CYB561: variants seen among roughly 807,000 people sequenced by gnomAD.
CYB561 encodes the protein transmembrane ascorbate-dependent reductase CYB561.
CYB561 carries 11 observed loss-of-function variants against 25.3 expected under a neutral mutation model. The observed-to-expected ratio is 0.44, with a 90% confidence interval of 0.27 to 0.72. CYB561 has a LOEUF of 0.72. Ranked by LOEUF, CYB561 falls within the 30% of genes least tolerant of loss-of-function variation. CYB561 has a pLI of 0.18. For synonymous variants in CYB561, 165 were observed against 158.8 expected, an observed-to-expected ratio of 1.04 and a Z score of -0.29; for missense variants, 295 against 334.9, an observed-to-expected ratio of 0.88 and a Z score of 0.93.
rs1156230175 is a variant in CYB561 at position 63,432,633 on chromosome 17, A to G, written c.*1769T>C. ...TGATTGAAGAACTGACGGCACCCCT[A>G]CCCCTGAAGAGTGTACAGTCTAAAC... is the stretch of plus-strand genomic sequence containing the variant. On this transcript the variant is annotated 3_prime_UTR_variant, in exon 6 of 6. Transcript: ENST00000360793. 2 of 152,242 alleles carry G rather than the reference A, an allele frequency of 1.3e-5. No homozygotes were observed. Among genetic ancestry groups the G allele is most frequent in the Non-Finnish European group, 2.9e-5 (2 of 68,080 alleles). 9.4% of individuals were successfully genotyped at this position (152,242 alleles called of 1,614,324 possible). A position where few individuals can be genotyped will look rare whatever the true frequency, so the allele number is the denominator to read the frequency against.
At position 63,436,815 on chromosome 17, in the gene CYB561, C is replaced by A. The variant is rs934923980; in HGVS notation, c.202+531G>T. 1 of 162,388 alleles carries A rather than the reference C, an allele frequency of 6.2e-6. No homozygotes were observed. Among genetic ancestry groups the A allele is most frequent in the Non-Finnish European group, 1.4e-5 (1 of 73,622 alleles). The allele number at this position is 162,388 out of a possible 1,614,324, so 10.1% of individuals were successfully genotyped here. A position where few individuals can be genotyped will look rare whatever the true frequency, so the allele number is the denominator to read the frequency against. Reference sequence around the variant, plus strand: ...TTCTGCTGCTCAGGAATGGCTGTCACCAGGACCACCTCTAGGAAGAGCGGG... The same window carrying A: ...TTCTGCTGCTCAGGAATGGCTGTCAACAGGACCACCTCTAGGAAGAGCGGG... On this transcript the variant is annotated intron_variant, in intron 2 of 5. Transcript: ENST00000360793. This position sits in a 1 kb window ranked among gnomAD's most constrained non-coding sequence, Gnocchi z 4.8.
intron 1 of CYB561, among the ~76,000 whole-genome samples, chr17:63,443,123 G>A (rs960146262): frequency 4.6e-5 from 7 of 152,200 alleles, no homozygotes; most frequent in African/African-American, 1.7e-4. Context: ...GTCCTAGCAT[G>A]TGATGAAGGA....
chr17:63,437,562 T>C lies in CYB561; in HGVS notation c.-13-2A>G. On this transcript the variant is annotated splice_acceptor_variant, in intron 1 of 5. Coordinates refer to ENST00000360793, the MANE Select transcript of CYB561 (RefSeq NM_001915.4). LOFTEE classifies it low-confidence loss of function (5UTR_SPLICE). ...CCGCCCTCCATGCTGAGGCAAACGC[T>C]GCAAGAAAGAGCAGAGCTCAGAGGA... 1 of 1,603,052 alleles carries C rather than the reference T, an allele frequency of 6.2e-7. No individual in the cohort carries two copies. The highest frequency in any genetic ancestry group is 1.1e-5 in the South Asian group (1 of 90,816).
At chr17:63,437,975 G>GGGCCC in intron 1 of CYB561, 1 of 89,530 alleles carries the variant, frequency 1.1e-5, no homozygotes, top group Non-Finnish European at 2.0e-5. Context: ...CGGCGGCCCC[G>GGGCCC]CCACCCTCCC....
chr17:63,437,532 C>T lies in CYB561; in HGVS notation c.16G>A (p.Ala6Thr). The part of the protein sequence containing the change: MEGGA[A>T]AATPTALPYY... ...GGCAGTGCTGTGGGGGTGGCTGCCGCGGCCCCGCCCTCCATGCTGAGGCAA... is the reference window on the plus strand; with the variant it reads ...GGCAGTGCTGTGGGGGTGGCTGCCGTGGCCCCGCCCTCCATGCTGAGGCAA... Residue 6 changes from alanine (A) to threonine (T), a missense_variant, in exon 2 of 6, where the codon GCG becomes ACG. By Grantham distance (58) the Ala-to-Thr change is moderately conservative. Coordinates refer to ENST00000360793, the MANE Select transcript of CYB561 (RefSeq NM_001915.4). 1 of 1,610,762 alleles carries T rather than the reference C, an allele frequency of 6.2e-7. No homozygotes were observed. Among genetic ancestry groups the T allele is most frequent in the Non-Finnish European group, 8.5e-7 (1 of 1,179,840 alleles).
chr17:63,437,738 C>A (rs2049324398), intron 1 of CYB561, 178 bp from the exon 2 acceptor site: 4 of 451,540 alleles, frequency 8.9e-6, no homozygotes, highest in Non-Finnish European at 3.9e-6. Flanking sequence ...TGCACAGCCC[C>A]CCCCGAAATG....
Position 63,434,472 on chromosome 17 carries a change from T to C in CYB561, c.686A>G (p.Gln229Arg), listed in dbSNP as rs1248875983. The C allele has an allele frequency of 1.9e-6, 3 of 1,610,076 alleles. No individual in the cohort carries two copies. The highest frequency in any genetic ancestry group is 1.7e-5 in the Admixed American group (1 of 59,622). The change falls in exon 6 of 6, where the codon CAG becomes CGG. Residue 229 changes from glutamine to arginine, a missense_variant. Gln to Arg is a conservative substitution (Grantham distance 43). Transcript: ENST00000360793. ...LTRADWKRPS[Q>R]AEEQALSMDF... Reference sequence around the variant, plus strand: ...CATGGAGAGGGCCTGCTCTTCCGCCTGGGAAGGCCGCTTCCAGTCGGCCCG... The same window carrying C: ...CATGGAGAGGGCCTGCTCTTCCGCCCGGGAAGGCCGCTTCCAGTCGGCCCG...
Position 63,434,370 on chromosome 17 carries a change from A to T in CYB561, c.*32T>A. On this transcript the variant is annotated 3_prime_UTR_variant, in exon 6 of 6. Transcript: ENST00000360793. ...CCTCAGCAGGGGCAGGCAAGAAGAC[A>T]CCCCGCGAACCCCCAGGGCCGGCCG... is the stretch of plus-strand genomic sequence containing the variant. The T allele has an allele frequency of 6.6e-7, 1 of 1,508,354 alleles. No homozygotes were observed. The highest frequency in any genetic ancestry group is 1.3e-5 in the South Asian group (1 of 77,932). 93.4% of individuals were successfully genotyped at this position (1,508,354 alleles called of 1,614,324 possible).
intron 1 of CYB561, chr17:63,437,792 TTGCGCACAGCCCCCTCCAGA>T (rs2049326689): frequency 3.8e-6 from 1 of 261,878 alleles, no homozygotes; most frequent in Non-Finnish European, 6.8e-6. Flanking sequence ...CCCCCCCGGG[TTGCGCACAGCCCCCTCCAGA>T]TGCGCACAGC....
In CYB561 at chr17:63,436,340, AGGGCACCTAGGGCTGT is replaced by A. The variant is rs1301865926; in HGVS notation, c.203-204_203-189del. On this transcript the variant is annotated intron_variant, in intron 2 of 5. Coordinates refer to ENST00000360793, the MANE Select transcript of CYB561 (RefSeq NM_001915.4). This position sits in a 1 kb window ranked among gnomAD's most constrained non-coding sequence, Gnocchi z 4.8. ...CCTGGGCAGCTCCTGGCCTTCTCTGAGGGCACCTAGGGCTGTGTGCACCTTAACACCCCTCCCCCAC... is the reference window on the plus strand; with the variant it reads ...CCTGGGCAGCTCCTGGCCTTCTCTGAGTGCACCTTAACACCCCTCCCCCAC... Among the ~76,000 whole-genome samples the A allele has an allele frequency of 1.3e-5, 2 of 152,098 alleles. No individual in the cohort carries two copies. Among genetic ancestry groups the A allele is most frequent in the Non-Finnish European group, 2.9e-5 (2 of 67,974 alleles).
At chr17:63,440,323 G>A (rs1218775914) in intron 1 of CYB561, 2 of 398,556 alleles carry the variant, frequency 5.0e-6, no homozygotes, top group Non-Finnish European at 8.8e-6. Context: ...TGACACCTCA[G>A]CTCCTCCACA....
At chr17:63,439,402 T>C (rs1302641841) in intron 1 of CYB561, 1 of 152,098 alleles carries the variant, frequency 6.6e-6, no homozygotes, top group Non-Finnish European at 1.5e-5. Flanking sequence ...GCATGGTGGC[T>C]CACACCTGTA....
chr17:63,437,747 T>C, intron 1 of CYB561, 187 bp from the exon 2 acceptor site: 1 of 339,882 alleles, frequency 2.9e-6, no homozygotes. Flanking sequence ...CCCCCCGAAA[T>C]GCGCACAGCC....
At chr17:63,442,725 G>A (rs1337521336) in intron 1 of CYB561, 1 of 152,126 alleles carries the variant, frequency 6.6e-6, no homozygotes, top group Non-Finnish European at 1.5e-5. Context: ...GCAGTTTCTG[G>A]ATCTTAGAGC....
chr17:63,434,367 G>C lies in CYB561; in HGVS notation c.*35C>G, dbSNP rs774374056. ...ACGCCTCAGCAGGGGCAGGCAAGAA[G>C]ACACCCCGCGAACCCCCAGGGCCGG... is the stretch of plus-strand genomic sequence containing the variant. On this transcript the variant is annotated 3_prime_UTR_variant, in exon 6 of 6. Transcript: ENST00000360793. 43 of 1,506,368 alleles carry C rather than the reference G, an allele frequency of 2.9e-5. No homozygotes were observed. Among genetic ancestry groups the C allele is most frequent in the Non-Finnish European group, 3.7e-5 (41 of 1,120,836 alleles). 93.3% of individuals were successfully genotyped at this position (1,506,368 alleles called of 1,614,324 possible). A position where few individuals can be genotyped will look rare whatever the true frequency, so the allele number is the denominator to read the frequency against.
chr17:63,437,741 C>T (rs886292853), intron 1 of CYB561, 181 bp from the exon 2 acceptor site: 1 of 455,986 alleles, frequency 2.2e-6, no homozygotes, highest in Non-Finnish European at 3.9e-6. Context: ...ACAGCCCCCC[C>T]CGAAATGCGC....
intron 1 of CYB561, among the ~76,000 whole-genome samples, chr17:63,441,320 C>A (rs1237140747): frequency 6.6e-6 from 1 of 152,236 alleles, no homozygotes; most frequent in Non-Finnish European, 1.5e-5. Context: ...TCTAATGTCA[C>A]CCTTAAATGA....
intron 1 of CYB561, among the ~76,000 whole-genome samples, chr17:63,438,882 T>C (rs1406405058): frequency 1.3e-5 from 2 of 152,164 alleles, no homozygotes; most frequent in Non-Finnish European, 2.9e-5. Context: ...GGCTCTCCCC[T>C]CACCCGGCAG....
intron 1 of CYB561, chr17:63,438,012 C>G (rs533195442): frequency 2.9e-6 from 4 of 1,402,154 alleles, no homozygotes; most frequent in African/African-American, 3.1e-5. Flanking sequence ...AAGCAGCGCT[C>G]GCTCTCCTAC....
Sources: allele counts gnomAD v4.1 joint callset (sites outside exome capture counted in the v4.1 genomes callset), GRCh38; gene constraint gnomAD v4.1.1; non-coding constraint Gnocchi (gnomAD v3.1); transcripts MANE v1.5; gene names NCBI Gene and HGNC (gene_info 2026-07-23, HGNC 2026-07-21).